The following GAB2 variants were observed in gnomAD, a reference collection of about 807,000 sequenced individuals.
The protein encoded by GAB2 is GRB2-associated-binding protein 2.
GAB2 carries 26 observed loss-of-function variants against 65.5 expected under a neutral mutation model. The ratio of observed to expected loss-of-function variants is 0.40; its 90% CI spans 0.29 to 0.55. The LOEUF is 0.55. GAB2 is among the 20% of genes least tolerant of loss of function. The pLI is 0.53. For missense variants in GAB2, 884 were observed against 875.8 expected, an observed-to-expected ratio of 1.01 and a Z score of -0.12; for synonymous variants, 321 against 329.6, an observed-to-expected ratio of 0.97 and a Z score of 0.28.
At chr11:78,303,886 T>C (rs1040934575) in intron 1 of GAB2, among the ~76,000 whole-genome samples, 1 of 152,166 alleles carries the variant, frequency 6.6e-6, no homozygotes, top group Non-Finnish European at 1.5e-5. Flanking sequence ...GAAACAAAAG[T>C]TATTCTCTTG....
intron 1 of GAB2, among the ~76,000 whole-genome samples, chr11:78,387,277 G>A (rs918636990): frequency 2.0e-5 from 3 of 152,146 alleles, no homozygotes; most frequent in African/African-American, 7.2e-5. Context: ...TATCTGGCAT[G>A]CTTCCCACAT....
chr11:78,356,141 C>T (rs1384159141), intron 1 of GAB2, among the ~76,000 whole-genome samples: 1 of 148,396 alleles, frequency 6.7e-6, no homozygotes, highest in African/African-American at 2.5e-5. Context: ...TCACTGCACT[C>T]TAGCCTGGGT....
chr11:78,360,865 A>AAC (rs1856425874), intron 1 of GAB2, among the ~76,000 whole-genome samples: 1 of 152,012 alleles, frequency 6.6e-6, no homozygotes, highest in African/African-American at 2.4e-5. Context: ...TCTCAAAGAA[A>AAC]AACAACAACA....
intron 1 of GAB2, among the ~76,000 whole-genome samples, chr11:78,362,588 A>G (rs1236163790): frequency 6.6e-6 from 1 of 152,192 alleles, no homozygotes; most frequent in Non-Finnish European, 1.5e-5. Context: ...ATGTAAATCA[A>G]TTTAATTCAC....
chr11:78,390,975 C>T (rs537050888), intron 1 of GAB2, among the ~76,000 whole-genome samples: 3 of 152,188 alleles, frequency 2.0e-5, no homozygotes, highest in African/African-American at 4.8e-5. Context: ...GGGAAGTGGG[C>T]GGTACTATGA....
chr11:78,232,651 T>C (rs1864876661), intron 3 of GAB2, among the ~76,000 whole-genome samples: 1 of 152,230 alleles, frequency 6.6e-6, no homozygotes, highest in African/African-American at 2.4e-5. Flanking sequence ...TAGTGGCTAT[T>C]ATTGCAGTAA....
rs188443374 is a variant in GAB2, at chr11:78,261,917, T to C, written c.377-11517A>G. On this transcript the variant is annotated intron_variant, in intron 2 of 9. Transcript: ENST00000361507. ...TGATGCATTTGACCCTTGTAACCTT[T>C]CCACAGAAATATCCAAAATACATCA... Among the ~76,000 whole-genome samples the C allele has an allele frequency of 2.2e-3, 331 of 152,302 alleles. 1 individual carries two copies. The highest frequency in any genetic ancestry group is 7.3e-3 in the African/African-American group (305 of 41,562).
intron 1 of GAB2, among the ~76,000 whole-genome samples, chr11:78,348,931 G>T (rs1856231685): frequency 6.6e-6 from 1 of 152,166 alleles, no homozygotes; most frequent in Admixed American, 6.5e-5. Context: ...AGTGAAATAA[G>T]CTGCACAAAA....
At chr11:78,354,719 G>C (rs1856331614) in intron 1 of GAB2, among the ~76,000 whole-genome samples, 1 of 152,202 alleles carries the variant, frequency 6.6e-6, no homozygotes, top group Non-Finnish European at 1.5e-5. Context: ...ACCCAGAAAA[G>C]CTTTTAAATC....
At chr11:78,411,556 T>C (rs1299578571) in intron 1 of GAB2, among the ~76,000 whole-genome samples, 1 of 152,058 alleles carries the variant, frequency 6.6e-6, no homozygotes, top group African/African-American at 2.4e-5. Context: ...CCCACACAAA[T>C]ACGTCCAACT....
At chr11:78,223,065 C>T (rs1287129096) in intron 6 of GAB2, among the ~76,000 whole-genome samples, 3 of 152,202 alleles carry the variant, frequency 2.0e-5, no homozygotes, top group Non-Finnish European at 4.4e-5. Context: ...CTATCTCTGC[C>T]TAGCTATCCT....
At chr11:78,377,241 C>A (rs1856642477) in intron 1 of GAB2, among the ~76,000 whole-genome samples, 1 of 152,232 alleles carries the variant, frequency 6.6e-6, no homozygotes, top group African/African-American at 2.4e-5. Flanking sequence ...GTTCTGGAGG[C>A]TGGGAAGTCC....
rs565127520 is a variant in GAB2, at chr11:78,355,073, C to T, written c.75+62573G>A. On this transcript the variant is annotated intron_variant, in intron 1 of 9. Coordinates refer to ENST00000361507, the MANE Select transcript of GAB2 (RefSeq NM_080491.3). Reference sequence around the variant, plus strand: ...ACAATCTTAAAACAGAGACCACAGACGTGGAGCTTACTTAAAGATCAGGAG... The same window carrying T: ...ACAATCTTAAAACAGAGACCACAGATGTGGAGCTTACTTAAAGATCAGGAG... 9.8e-4 allele frequency among the ~76,000 whole-genome samples: 150 copies of T among 152,336 alleles called. 1 individual carries two copies. The South Asian group carries it at 0.012, about 12-fold the overall frequency.
chr11:78,377,460 T>C (rs1247320092), intron 1 of GAB2, among the ~76,000 whole-genome samples: 4 of 152,138 alleles, frequency 2.6e-5, no homozygotes, highest in Non-Finnish European at 5.9e-5. Context: ...ATCTCCAAAT[T>C]CTATCACACT....
intron 2 of GAB2, among the ~76,000 whole-genome samples, chr11:78,261,853 G>A (rs573392350): frequency 2.0e-5 from 3 of 152,138 alleles, no homozygotes; most frequent in Non-Finnish European, 4.4e-5. Context: ...TTTCCCACAG[G>A]AATCAATCCA....
intron 3 of GAB2, among the ~76,000 whole-genome samples, chr11:78,241,462 C>G (rs1865132264): frequency 6.6e-6 from 1 of 151,738 alleles, no homozygotes; most frequent in South Asian, 2.1e-4. Flanking sequence ...TAACTAGAGC[C>G]CAGTGAAAAG....
intron 4 of GAB2, among the ~76,000 whole-genome samples, chr11:78,225,634 C>T (rs918536956): frequency 1.3e-5 from 2 of 152,200 alleles, no homozygotes; most frequent in South Asian, 2.1e-4. Context: ...AGTTCCAAAA[C>T]GGAGTATGAC....
intron 1 of GAB2, among the ~76,000 whole-genome samples, chr11:78,413,160 T>C (rs1427227883): frequency 6.6e-6 from 1 of 152,144 alleles, no homozygotes; most frequent in African/African-American, 2.4e-5. Context: ...CAGTTAACAG[T>C]TGGATATGTA....
chr11:78,299,958 T>C (rs1418570519), intron 1 of GAB2, among the ~76,000 whole-genome samples: 1 of 152,186 alleles, frequency 6.6e-6, no homozygotes, highest in African/African-American at 2.4e-5. Context: ...GAAATCATCA[T>C]TACATAGATA....
Sources: gnomAD v4.1 joint callset for allele counts (sites outside exome capture counted in the v4.1 genomes callset) on GRCh38, gnomAD v4.1.1 for gene constraint, MANE v1.5 for transcripts, NCBI Gene and HGNC (gene_info 2026-07-23, HGNC 2026-07-21) for gene names.